MACROD2: variants seen among roughly 807,000 people sequenced by gnomAD.
MACROD2 encodes mono-ADP ribosylhydrolase 2.
MACROD2 carries 36 observed loss-of-function variants against 70.4 expected under a neutral mutation model. The ratio of observed to expected loss-of-function variants is 0.51; its 90% CI spans 0.39 to 0.68. The LOEUF (loss-of-function observed/expected upper bound fraction) is 0.68, where lower values mean the gene tolerates loss of function less well. MACROD2 is among the 30% of genes least tolerant of loss of function. The pLI, the probability that MACROD2 is intolerant of heterozygous loss-of-function variation, is 0.00. For missense variants in MACROD2, 496 were observed against 538.4 expected (o/e 0.92, Z 0.78); for synonymous variants, 172 against 178.8 (o/e 0.96, Z 0.30).
At chr20:14,349,607 C>T (rs2083100851) in intron 3 of MACROD2, among the ~76,000 whole-genome samples, 1 of 146,072 alleles carries the variant, frequency 6.8e-6, no homozygotes, top group Admixed American at 6.9e-5. Context: ...ACCCACCTCC[C>T]CACTGCCTCC....
intron 3 of MACROD2, among the ~76,000 whole-genome samples, chr20:14,459,904 T>A (rs1347528652): frequency 1.3e-5 from 2 of 152,012 alleles, no homozygotes; most frequent in Non-Finnish European, 2.9e-5. Context: ...GGCCCTGGTG[T>A]TTGATGTTCC....
intron 8 of MACROD2, among the ~76,000 whole-genome samples, chr20:15,511,311 A>G (rs1459058673): frequency 2.0e-5 from 3 of 152,212 alleles, no homozygotes; most frequent in Admixed American, 6.5e-5. Flanking sequence ...TTTTCTTCCA[A>G]TCGGTCCAAA....
chr20:15,962,116 G>A (rs1172579344), intron 12 of MACROD2, among the ~76,000 whole-genome samples: 1 of 152,190 alleles, frequency 6.6e-6, no homozygotes, highest in Non-Finnish European at 1.5e-5. Flanking sequence ...CTGACTTAAA[G>A]ACAGCCAGTG....
chr20:14,437,836 T>C (rs2084075266), intron 3 of MACROD2, among the ~76,000 whole-genome samples: 1 of 152,190 alleles, frequency 6.6e-6, no homozygotes, highest in Non-Finnish European at 1.5e-5. Flanking sequence ...TTCTCTTGTG[T>C]ATATTTAAGA....
In MACROD2 at chr20:14,964,032, A is replaced by C. The variant is rs187123063; in HGVS notation, c.419-265908A>C. On this transcript the variant is annotated intron_variant, in intron 5 of 17. Coordinates refer to ENST00000684519, the MANE Select transcript of MACROD2 (RefSeq NM_001351661.2). ...CAATATAGAGATGGAAATGCAGCAGAAATTCAGATTTTTTTCTGTGTTTTT... is the reference window on the plus strand; with the variant it reads ...CAATATAGAGATGGAAATGCAGCAGCAATTCAGATTTTTTTCTGTGTTTTT... 3.7e-4 allele frequency among the ~76,000 whole-genome samples: 56 copies of C among 152,206 alleles called. No homozygotes were observed. The East Asian group carries it at 9.7e-3, about 26-fold the overall frequency.
At chr20:15,786,182 G>T (rs184117518) in intron 8 of MACROD2, among the ~76,000 whole-genome samples, 1 of 149,586 alleles carries the variant, frequency 6.7e-6, no homozygotes, top group African/African-American at 2.5e-5. Context: ...AACCCAGCAG[G>T]GGCAAATCAT....
chr20:15,097,836 T>C (rs1236064778), intron 5 of MACROD2, among the ~76,000 whole-genome samples: 4 of 152,324 alleles, frequency 2.6e-5, no homozygotes, highest in East Asian at 1.9e-4. Context: ...TGAAGATCAA[T>C]AAAAGGTAAT....
At chr20:15,859,457 G>T (rs945830094) in intron 8 of MACROD2, among the ~76,000 whole-genome samples, 1 of 152,180 alleles carries the variant, frequency 6.6e-6, no homozygotes, top group African/African-American at 2.4e-5. Flanking sequence ...CGCATCGCAT[G>T]CCATCTTGGA....
intron 5 of MACROD2, among the ~76,000 whole-genome samples, chr20:14,906,937 G>A (rs2073966470): frequency 6.6e-6 from 1 of 152,132 alleles, no homozygotes; most frequent in African/African-American, 2.4e-5. Flanking sequence ...GTCCACAGAA[G>A]AAGGCTAACA....
chr20:14,192,592 A>T (rs989521940), intron 3 of MACROD2, among the ~76,000 whole-genome samples: 5 of 152,156 alleles, frequency 3.3e-5, no homozygotes, highest in Non-Finnish European at 7.3e-5. Flanking sequence ...GGCCATCTTC[A>T]TTTGTGATTC....
chr20:15,407,974 C>T (rs1248828216), intron 6 of MACROD2, among the ~76,000 whole-genome samples: 1 of 152,196 alleles, frequency 6.6e-6, no homozygotes, highest in Non-Finnish European at 1.5e-5. Context: ...TCTCTCAGCG[C>T]AGTGTCCTCC....
chr20:15,023,423 C>A (rs1318496514), intron 5 of MACROD2, among the ~76,000 whole-genome samples: 1 of 152,140 alleles, frequency 6.6e-6, no homozygotes, highest in African/African-American at 2.4e-5. Flanking sequence ...CCAGAGAGGG[C>A]ATGCTTTCCT....
chr20:15,742,565 G>A (rs980454224), intron 8 of MACROD2, among the ~76,000 whole-genome samples: 1 of 152,156 alleles, frequency 6.6e-6, no homozygotes, highest in African/African-American at 2.4e-5. Context: ...GTGTATGTCT[G>A]TATCTTCTAT....
intron 4 of MACROD2, among the ~76,000 whole-genome samples, chr20:14,590,393 A>T (rs1326859192): frequency 1.3e-5 from 2 of 152,184 alleles, no homozygotes; most frequent in Admixed American, 1.3e-4. Context: ...CTGGGTTTAG[A>T]GGTTTGTGGG....
intron 6 of MACROD2, among the ~76,000 whole-genome samples, chr20:15,319,885 A>G (rs1220980102): frequency 6.6e-6 from 1 of 152,242 alleles, no homozygotes; most frequent in Non-Finnish European, 1.5e-5. Context: ...AATCTCAATT[A>G]TATGAAATAT....
intron 12 of MACROD2, among the ~76,000 whole-genome samples, chr20:15,942,954 A>C (rs887243671): frequency 6.6e-6 from 1 of 152,232 alleles, no homozygotes; most frequent in Non-Finnish European, 1.5e-5. Context: ...TCAGGTGCAT[A>C]CCCAGGCTTG....
In MACROD2 at chr20:15,875,917, G is replaced by A. The variant is rs555521855; in HGVS notation, c.728-9847G>A. Among the ~76,000 whole-genome samples the A allele has an allele frequency of 2.6e-5, 4 of 151,598 alleles. No individual in the cohort carries two copies. In the South Asian group the frequency reaches 8.3e-4, roughly 32 times the overall value. ...TGGTTCTTTAGTTGAAAACATTGAGGCAAATGCAGGGGAAAAAAAAGTCTT... is the reference window on the plus strand; with the variant it reads ...TGGTTCTTTAGTTGAAAACATTGAGACAAATGCAGGGGAAAAAAAAGTCTT... On this transcript the variant is annotated intron_variant, in intron 9 of 17. Coordinates refer to ENST00000684519, the MANE Select transcript of MACROD2 (RefSeq NM_001351661.2).
At chr20:15,729,215 T>C (rs565670401) in intron 8 of MACROD2, among the ~76,000 whole-genome samples, 1 of 152,334 alleles carries the variant, frequency 6.6e-6, no homozygotes, top group East Asian at 1.9e-4. Context: ...TTTATTAGTA[T>C]TGATTTCTAT....
chr20:14,501,517 G>A (rs1320122079), intron 4 of MACROD2, among the ~76,000 whole-genome samples: 1 of 150,938 alleles, frequency 6.6e-6, no homozygotes, highest in Non-Finnish European at 1.5e-5. Context: ...ATGTGTTGGT[G>A]TTCTTAACTG....
Sources: gnomAD v4.1 joint callset for allele counts (sites outside exome capture counted in the v4.1 genomes callset) on GRCh38, gnomAD v4.1.1 for gene constraint, MANE v1.5 for transcripts, NCBI Gene and HGNC (gene_info 2026-07-23, HGNC 2026-07-21) for gene names.